DBX2: variants seen among roughly 807,000 people sequenced by gnomAD.
DBX2 encodes the protein developing brain homeobox 2.
DBX2 carries 16 observed loss-of-function variants against 17.7 expected under a neutral mutation model. The ratio of observed to expected loss-of-function variants is 0.90; its 90% CI spans 0.61 to 1.37. The LOEUF is 1.37. DBX2 is among the 40% of genes most tolerant of loss of function. The pLI is 0.00. For synonymous variants in DBX2, 255 were observed against 183.8 expected (o/e 1.39, Z -3.13); for missense variants, 538 against 433.8 (o/e 1.24, Z -2.13).
rs1433479614 is a variant in DBX2, at chr12:45,014,858, C to T, written c.*1428G>A. ...ATAATTTCCTGCTGTTGATTAAAAC[C>T]GTTATCTCCTGAAATATCTTTTCTA... On this transcript the variant is annotated 3_prime_UTR_variant, in exon 4 of 4. Coordinates refer to ENST00000332700, the MANE Select transcript of DBX2 (RefSeq NM_001004329.3). 2 of 152,084 alleles carry T rather than the reference C, an allele frequency of 1.3e-5. No individual in the cohort carries two copies. The highest frequency in any genetic ancestry group is 2.9e-5 in the Non-Finnish European group (2 of 68,004). 9.4% of individuals were successfully genotyped at this position (152,084 alleles called of 1,614,324 possible). A position where few individuals can be genotyped will look rare whatever the true frequency, so the allele number is the denominator to read the frequency against.
chr12:45,050,755 G>A lies in DBX2; in HGVS notation c.173C>T (p.Ala58Val). ...CAGGGCGGTCGCCGGGTCGTGGGGC[G>A]CGGGCGGCTGCAGCCTGGGCGTTGG... ...GAPTPRLQPP[A>V]PHDPATALAT... Residue 58 changes from alanine to valine, a missense_variant, in exon 1 of 4, where the codon GCG becomes GTG. Transcript: ENST00000332700. The A allele has an allele frequency of 6.7e-7, 1 of 1,501,880 alleles. No homozygotes were observed. Among genetic ancestry groups the A allele is most frequent in the East Asian group, 2.8e-5 (1 of 35,582 alleles). 93.0% of individuals were successfully genotyped at this position (1,501,880 alleles called of 1,614,324 possible). A position where few individuals can be genotyped will look rare whatever the true frequency, so the allele number is the denominator to read the frequency against.
At chr12:45,040,081 G>A (rs184931739) in intron 1 of DBX2, among the ~76,000 whole-genome samples, 1 of 152,232 alleles carries the variant, frequency 6.6e-6, no homozygotes, top group African/African-American at 2.4e-5. Flanking sequence ...TGTTGCAAGG[G>A]AGATTAACAT....
chr12:45,021,741 T>C (rs1057472696), intron 3 of DBX2, among the ~76,000 whole-genome samples: 1 of 152,160 alleles, frequency 6.6e-6, no homozygotes, highest in Non-Finnish European at 1.5e-5. Context: ...TATGGACCAA[T>C]CACACGGCTG....
At chr12:45,050,489 G>T (rs781039417) in intron 1 of DBX2, 36 bp downstream of exon 1, 2 of 1,543,686 alleles carry the variant, frequency 1.3e-6, no homozygotes, top group East Asian at 2.5e-5. Flanking sequence ...CTGGGGGCGC[G>T]GGCGCGGCTG....
At chr12:45,016,763 A>G (rs1435306946) in intron 3 of DBX2, 145 bp from the exon 4 acceptor site, 1 of 589,834 alleles carries the variant, frequency 1.7e-6, no homozygotes, top group Non-Finnish European at 2.6e-6. Flanking sequence ...GGCTTTTCAC[A>G]TGGGCTCCTT....
intron 3 of DBX2, among the ~76,000 whole-genome samples, chr12:45,016,852 C>T (rs1946326780): frequency 6.6e-6 from 1 of 152,204 alleles, no homozygotes; most frequent in East Asian, 1.9e-4. Flanking sequence ...GGTGCAATCT[C>T]AGCTCACTGC....
intron 3 of DBX2, 120 bp downstream of exon 3, chr12:45,023,587 C>T: frequency 8.7e-7 from 1 of 1,148,992 alleles, no homozygotes; most frequent in Non-Finnish European, 1.2e-6. Flanking sequence ...TAAATGGATT[C>T]CATTGTGTGC....
chr12:45,023,913 G>A lies in DBX2; in HGVS notation c.500-19C>T. 6.5e-7 allele frequency: 1 copy of A among 1,530,854 alleles called. No homozygotes were observed. The highest frequency in any genetic ancestry group is 1.3e-5 in the South Asian group (1 of 75,028). The allele number at this position is 1,530,854 out of a possible 1,614,324, so 94.8% of individuals were successfully genotyped here. ...TCTTCTCCTAGAGTCGAGGGAAAAAGATACAAAAGCCCAGTTAGCTTTAGA... is the reference window on the plus strand; with the variant it reads ...TCTTCTCCTAGAGTCGAGGGAAAAAAATACAAAAGCCCAGTTAGCTTTAGA... On this transcript the variant is annotated intron_variant, in intron 2 of 3. Transcript: ENST00000332700.
rs1334418602 is a variant in DBX2 at position 45,015,541 on chromosome 12, CT to C, written c.*744del. On this transcript the variant is annotated 3_prime_UTR_variant, in exon 4 of 4. Transcript: ENST00000332700. ...TTTGCAAACCCTGGTCTAGGCCCATCTTTACAGAGAAGAGATCAAAAAATAA... is the reference window on the plus strand; with the variant it reads ...TTTGCAAACCCTGGTCTAGGCCCATCTTACAGAGAAGAGATCAAAAAATAA... 1 of 152,182 alleles carries C rather than the reference CT, an allele frequency of 6.6e-6. No individual in the cohort carries two copies. Among genetic ancestry groups the C allele is most frequent in the Non-Finnish European group, 1.5e-5 (1 of 68,036 alleles). The allele number at this position is 152,182 out of a possible 1,614,324, so 9.4% of individuals were successfully genotyped here.
rs1294864408 is a variant in DBX2, at chr12:45,050,964, G to GCGCCCGCCTGT, written c.-48_-38dup. The GCGCCCGCCTGT allele has an allele frequency of 6.8e-5, 94 of 1,377,788 alleles. No homozygotes were observed. In the African/African-American group the frequency reaches 1.0e-3, roughly 15 times the overall value. 85.3% of individuals were successfully genotyped at this position (1,377,788 alleles called of 1,614,324 possible). ...AACCGGTCTGCTGCGCGCCCGCCTTGCGCCCGCCTGTCGCCCGGGCGCCCC... is the reference window on the plus strand; with the variant it reads ...AACCGGTCTGCTGCGCGCCCGCCTTGCGCCCGCCTGTCGCCCGCCTGTCGCCCGGGCGCCCC... On this transcript the variant is annotated 5_prime_UTR_variant, in exon 1 of 4. Coordinates refer to ENST00000332700, the MANE Select transcript of DBX2 (RefSeq NM_001004329.3).
rs73277034 is a variant in DBX2, at chr12:45,043,768, T to C, written c.403+6757A>G. Among the ~76,000 whole-genome samples the C allele has an allele frequency of 6.6e-3, 1,007 of 152,350 alleles. 8 individuals are homozygous for C. Among genetic ancestry groups the C allele is most frequent in the African/African-American group, 0.023 (960 of 41,574 alleles). On this transcript the variant is annotated intron_variant, in intron 1 of 3. Transcript: ENST00000332700. The stretch of plus-strand genomic sequence containing the variant: ...GCCACTGAGTTTTGGGATGGTTTCT[T>C]ATACACAACGCCCCTTTTACCAATA...
rs1407763820 is a variant in DBX2, at chr12:45,038,285, T to C, written c.404-2171A>G. On this transcript the variant is annotated intron_variant, in intron 1 of 3. Coordinates refer to ENST00000332700, the MANE Select transcript of DBX2 (RefSeq NM_001004329.3). ...ATGATGGCTCTTGCACTGTTTTGTT[T>C]TGGACTTTTGTTGTTATTGTTGTTG... Among the ~76,000 whole-genome samples, 3 of 151,174 alleles carry C rather than the reference T, an allele frequency of 2.0e-5. 1 individual carries two copies. The highest frequency in any genetic ancestry group is 7.3e-5 in the African/African-American group (3 of 41,344).
At chr12:45,029,879 A>AAAATAAAAAAAT (rs1555141814) in intron 2 of DBX2, among the ~76,000 whole-genome samples, 1 of 143,208 alleles carries the variant, frequency 7.0e-6, no homozygotes, top group African/African-American at 2.6e-5. Flanking sequence ...AAAAATAATA[A>AAAATAAAAAAAT]AAATAAATAA....
intron 3 of DBX2, among the ~76,000 whole-genome samples, chr12:45,018,627 A>G (rs1442240333): frequency 6.6e-6 from 1 of 152,104 alleles, no homozygotes; most frequent in African/African-American, 2.4e-5. Context: ...CTGTACAAAC[A>G]TATGAAAAAG....
At position 45,050,748 on chromosome 12, in the gene DBX2, G is replaced by C. The variant is rs750311548; in HGVS notation, c.180C>G (p.His60Gln). The change falls in exon 1 of 4, where the codon CAC (histidine) becomes CAG (glutamine). Residue 60 changes from histidine (H) to glutamine (Q), a missense_variant. Coordinates refer to ENST00000332700, the MANE Select transcript of DBX2 (RefSeq NM_001004329.3). ...CGGTGGCCAGGGCGGTCGCCGGGTC[G>C]TGGGGCGCGGGCGGCTGCAGCCTGG... ...PTPRLQPPAP[H>Q]DPATALATAG... 45 of 1,498,102 alleles carry C rather than the reference G, an allele frequency of 3.0e-5. No homozygotes were observed. In the African/African-American group the frequency reaches 5.4e-4, roughly 18 times the overall value. The allele number at this position is 1,498,102 out of a possible 1,614,324, so 92.8% of individuals were successfully genotyped here. A position where few individuals can be genotyped will look rare whatever the true frequency, so the allele number is the denominator to read the frequency against.
At position 45,050,684 on chromosome 12, in the gene DBX2, G is replaced by A; in HGVS notation, c.244C>T (p.Pro82Ser). 3 of 1,542,070 alleles carry A rather than the reference G, an allele frequency of 1.9e-6. No homozygotes were observed. Among genetic ancestry groups the A allele is most frequent in the Non-Finnish European group, 2.6e-6 (3 of 1,143,746 alleles). ...TCGGCTGCGGGGCACAGCTTTAGGG[G>A]AACTGGGCTAGCAGGCAGGGGCCGG... ...QLRPLPASPV[P>S]LKLCPAAEQV... is the part of the protein sequence containing the mutation. Residue 82 changes from proline (P) to serine (S), a missense_variant, in exon 1 of 4, where the codon CCC becomes TCC. Transcript: ENST00000332700.
chr12:45,022,298 G>GCT (rs1946356621), intron 3 of DBX2, among the ~76,000 whole-genome samples: 1 of 82,518 alleles, frequency 1.2e-5, no homozygotes, highest in East Asian at 4.3e-4. Flanking sequence ...AATAATAACT[G>GCT]TTTTTTTTTT....
chr12:45,024,218 T>G (rs1946368705), intron 2 of DBX2, among the ~76,000 whole-genome samples: 2 of 152,200 alleles, frequency 1.3e-5, no homozygotes, highest in African/African-American at 4.8e-5. Flanking sequence ...TGCTCTGCAC[T>G]TCTCATTCTT....
intron 3 of DBX2, 78 bp downstream of exon 3, chr12:45,023,629 C>T (rs35555451): frequency 0.093 from 144,133 of 1,555,884 alleles, 7,429 homozygotes; most frequent in Admixed American, 0.14. Flanking sequence ...GCCTACGGCC[C>T]ACCACCCTGA....
Sources: gnomAD v4.1 joint callset for allele counts (sites outside exome capture counted in the v4.1 genomes callset) on GRCh38, gnomAD v4.1.1 for gene constraint, MANE v1.5 for transcripts, NCBI Gene and HGNC (gene_info 2026-07-23, HGNC 2026-07-21) for gene names.